The following ZNF75A variants were observed in gnomAD, a reference collection of about 807,000 sequenced individuals.
The protein encoded by ZNF75A is zinc finger protein 75A.
In ZNF75A, 36 loss-of-function variants were observed where a neutral mutation model predicts 46.3. The ratio of observed to expected loss-of-function variants is 0.78; its 90% CI spans 0.60 to 1.03. The LOEUF is 1.03. ZNF75A is among the 50% of genes least tolerant of loss of function. The pLI, the probability that ZNF75A is intolerant of heterozygous loss-of-function variation, is 0.00. For missense variants in ZNF75A, 595 were observed against 551.3 expected (o/e 1.08, Z -0.79); for synonymous variants, 234 against 189.9 (o/e 1.23, Z -1.91).
downstream of ZNF75A, chr16:3,323,123 A>G (rs1422206903): frequency 2.4e-5 from 13 of 537,614 alleles, no homozygotes; most frequent in Admixed American, 3.5e-5. Flanking sequence ...AAAAATCTCA[A>G]AAAAACAAAA....
rs758949238 is a variant in ZNF75A at position 3,308,684 on chromosome 16, C to G, written c.256C>G (p.Gln86Glu). The change falls in exon 2 of 7, where the codon CAG (glutamine) becomes GAG (glutamate). Residue 86 changes from glutamine (Q) to glutamate (E), a missense_variant. Physicochemically the swap from Gln to Glu is conservative, Grantham distance 29. Coordinates refer to ENST00000669516, the MANE Select transcript of ZNF75A (RefSeq NM_001302109.2). Reference sequence around the variant, plus strand: ...GAAGCCAGAGATCCACTCAAAAGAGCAGATACTGGAACTGCTGGTGCTGGA... The same window carrying G: ...GAAGCCAGAGATCCACTCAAAAGAGGAGATACTGGAACTGCTGGTGCTGGA... ...WLKPEIHSKE[Q>E]ILELLVLEQF... is the part of the protein sequence containing the mutation. 8.9e-5 allele frequency: 88 copies of G among 992,292 alleles called. 1 individual carries two copies. The highest frequency in any genetic ancestry group is 5.1e-4 in the Middle Eastern group (1 of 1,956). The allele number at this position is 992,292 out of a possible 1,614,324, so 61.5% of individuals were successfully genotyped here.
intron 4 of ZNF75A, 117 bp downstream of exon 4, chr16:3,312,885 C>T (rs961266684): frequency 1.7e-6 from 2 of 1,185,574 alleles, no homozygotes; most frequent in Non-Finnish European, 2.3e-6. Context: ...AACTGGGTAC[C>T]TCCCAGGCTG....
At chr16:3,314,820 G>A (rs1173539896) in intron 5 of ZNF75A, 6 of 985,276 alleles carry the variant, frequency 6.1e-6, no homozygotes, top group Non-Finnish European at 2.4e-6. Context: ...ACACTCAGAA[G>A]GCCCTCTACA....
downstream of ZNF75A, chr16:3,322,954 A>G (rs1384940305): frequency 1.0e-6 from 1 of 985,054 alleles, no homozygotes; most frequent in East Asian, 1.1e-4. Flanking sequence ...TCCGCCGACA[A>G]GGAGGCAGCC....
At position 3,307,400 on chromosome 16, in the gene ZNF75A, C is replaced by G. The variant is rs188873699; in HGVS notation, c.-116-913C>G. 232 of 152,318 alleles carry G rather than the reference C, an allele frequency of 1.5e-3. 1 individual carries two copies. Among genetic ancestry groups the G allele is most frequent in the African/African-American group, 5.1e-3 (213 of 41,560 alleles). The allele number at this position is 152,318 out of a possible 1,614,324, so 9.4% of individuals were successfully genotyped here. A position where few individuals can be genotyped will look rare whatever the true frequency, so the allele number is the denominator to read the frequency against. ...GGGTTTTAGGTATTCACAGAATGTA[C>G]TGGAACTTACCCCCCTTGGAGAAGG... On this transcript the variant is annotated intron_variant, in intron 1 of 6. Transcript: ENST00000669516.
Position 3,316,931 on chromosome 16 carries a change from A to G in ZNF75A, c.843A>G (p.Lys281=), listed in dbSNP as rs1168573848. ...VISLALFVLP[K]PKVISCLEQG... Reference sequence around the variant, plus strand: ...TGACAGCATTGTTTGTGCTCCCCAAACCTAAAGTGATCTCCTGTCTAGAGC... The same window carrying G: ...TGACAGCATTGTTTGTGCTCCCCAAGCCTAAAGTGATCTCCTGTCTAGAGC... Residue 281 remains lysine (K), a synonymous_variant, in exon 6 of 7, where the codon AAA becomes AAG. Coordinates refer to ENST00000669516, the MANE Select transcript of ZNF75A (RefSeq NM_001302109.2). 3 of 1,613,222 alleles carry G rather than the reference A, an allele frequency of 1.9e-6. No homozygotes were observed. In the African/African-American group the frequency reaches 4.0e-5, roughly 22 times the overall value.
chr16:3,315,849 C>T (rs1273948777), intron 5 of ZNF75A: 1 of 152,246 alleles, frequency 6.6e-6, no homozygotes, highest in African/African-American at 2.4e-5. Context: ...TCAGGACCCT[C>T]CATGGTCTGG....
downstream of ZNF75A, among the ~76,000 whole-genome samples, chr16:3,320,370 GA>G (rs749072275): frequency 6.6e-6 from 1 of 152,192 alleles, no homozygotes; most frequent in Non-Finnish European, 1.5e-5. Context: ...ATAGAGCTTG[GA>G]AAAGGGCAGC....
At chr16:3,317,143 T>G (rs764724421) in intron 6 of ZNF75A, 47 bp from the exon 7 acceptor site, 1 of 1,558,756 alleles carries the variant, frequency 6.4e-7, no homozygotes, top group South Asian at 1.2e-5. Context: ...ATTCCTGTGA[T>G]TTGCTTGTTC....
At chr16:3,305,916 A>G (rs1960174360) in intron 1 of ZNF75A, 1 of 152,228 alleles carries the variant, frequency 6.6e-6, no homozygotes, top group South Asian at 2.1e-4. Flanking sequence ...GCTGTGGCGA[A>G]TCCGAGTGCT....
chr16:3,307,381 T>C (rs560799869), intron 1 of ZNF75A: 2 of 152,372 alleles, frequency 1.3e-5, no homozygotes, highest in Non-Finnish European at 2.9e-5. Context: ...TTGGGGGTTT[T>C]AGGTATTCAC....
chr16:3,318,438 T>G lies in ZNF75A; in HGVS notation c.*569T>G. The G allele has an allele frequency of 2.0e-6, 2 of 985,678 alleles. No homozygotes were observed. Among genetic ancestry groups the G allele is most frequent in the Non-Finnish European group, 2.4e-6 (2 of 830,136 alleles). The allele number at this position is 985,678 out of a possible 1,614,324, so 61.1% of individuals were successfully genotyped here. A position where few individuals can be genotyped will look rare whatever the true frequency, so the allele number is the denominator to read the frequency against. ...CAGATGAACTATTAATGCACTGTCT[T>G]ATGCCTCTCATTGGTGATGTTTGGA... On this transcript the variant is annotated 3_prime_UTR_variant, in exon 7 of 7. Coordinates refer to ENST00000669516, the MANE Select transcript of ZNF75A (RefSeq NM_001302109.2).
chr16:3,312,319 A>T (rs1960869371), intron 3 of ZNF75A: 1 of 152,256 alleles, frequency 6.6e-6, no homozygotes, highest in Non-Finnish European at 1.5e-5. Context: ...ACAGTTGTGT[A>T]CCAGGAAAAA....
intron 2 of ZNF75A, chr16:3,310,663 A>T (rs1960697521): frequency 1.0e-6 from 1 of 985,438 alleles, no homozygotes; most frequent in African/African-American, 1.7e-5. Flanking sequence ...CAACTAGGGG[A>T]AGACTGCACA....
chr16:3,306,063 T>A (rs1302752166), intron 1 of ZNF75A: 7 of 152,148 alleles, frequency 4.6e-5, no homozygotes, highest in Non-Finnish European at 1.0e-4. Flanking sequence ...ATAGGAAGTG[T>A]CTCTTTGCTT....
At chr16:3,323,163 T>C (rs2030008286), downstream of ZNF75A, 3 of 597,538 alleles carry the variant, frequency 5.0e-6, no homozygotes, top group Middle Eastern at 4.8e-4. Context: ...TGATAAAAAT[T>C]TACTGCAGTT....
At chr16:3,309,707 G>C (rs1006864498) in intron 2 of ZNF75A, among the ~76,000 whole-genome samples, 6 of 148,084 alleles carry the variant, frequency 4.1e-5, no homozygotes, top group Non-Finnish European at 5.9e-5. Flanking sequence ...AGTGAGCTGA[G>C]ATGGCACCAT....
At chr16:3,323,412 C>T (rs1291418039), downstream of ZNF75A, 4 of 776,998 alleles carry the variant, frequency 5.1e-6, no homozygotes, top group East Asian at 2.4e-5. Flanking sequence ...TCCTCAATCA[C>T]TGTGTTGTCT....
chr16:3,320,974 A>G (rs997053680), downstream of ZNF75A, among the ~76,000 whole-genome samples: 6 of 152,174 alleles, frequency 3.9e-5, no homozygotes, highest in African/African-American at 7.2e-5. Context: ...CCAGGGGGAA[A>G]GTCGTAGCTT....
Sources: allele counts gnomAD v4.1 joint callset (sites outside exome capture counted in the v4.1 genomes callset), GRCh38; gene constraint gnomAD v4.1.1; transcripts MANE v1.5; gene names NCBI Gene and HGNC (gene_info 2026-07-23, HGNC 2026-07-21).